Variants in DAB1 observed in about 807,000 individuals in gnomAD.
DAB1 encodes the protein disabled homolog 1.
A neutral mutation model predicts 64.6 loss-of-function variants in DAB1; 15 were observed. The ratio of observed to expected loss-of-function variants is 0.23; its 90% CI spans 0.16 to 0.36. DAB1 has a LOEUF of 0.36. DAB1 is among the 10% of genes least tolerant of loss of function. The pLI is 1.00. For missense variants in DAB1, 596 were observed against 706.7 expected (o/e 0.84, Z 1.78); for synonymous variants, 235 against 251.9 (o/e 0.93, Z 0.64).
At chr1:57,082,305 A>G (rs866346657) in intron 4 of DAB1, among the ~76,000 whole-genome samples, 4 of 152,156 alleles carry the variant, frequency 2.6e-5, no homozygotes, top group South Asian at 2.1e-4. Context: ...GAGCACTTCA[A>G]TGACTTAACT....
chr1:58,476,808 G>A (rs577859321), intron 3 of DAB1, among the ~76,000 whole-genome samples: 1 of 152,316 alleles, frequency 6.6e-6, no homozygotes, highest in Non-Finnish European at 1.5e-5. Context: ...ACAAGTGAAG[G>A]GTGAAGGGAA....
At chr1:57,975,759 A>G (rs1019424272) in intron 5 of DAB1, among the ~76,000 whole-genome samples, 5 of 152,234 alleles carry the variant, frequency 3.3e-5, no homozygotes, top group Non-Finnish European at 7.3e-5. Context: ...TATGATGCAC[A>G]GCAGGGTTGA....
intron 7 of DAB1, among the ~76,000 whole-genome samples, chr1:57,572,819 G>A (rs1645208451): frequency 6.6e-6 from 1 of 152,176 alleles, no homozygotes; most frequent in East Asian, 1.9e-4. Context: ...AATCTTGGCA[G>A]AAGGTGAAGG....
At chr1:57,249,805 C>G (rs1200480327) in intron 2 of DAB1, among the ~76,000 whole-genome samples, 1 of 152,236 alleles carries the variant, frequency 6.6e-6, no homozygotes, top group Non-Finnish European at 1.5e-5. Context: ...CTTTGTACAT[C>G]TGAAAACTAT....
At chr1:58,524,704 G>A (rs911696129) in intron 2 of DAB1, among the ~76,000 whole-genome samples, 1 of 152,128 alleles carries the variant, frequency 6.6e-6, no homozygotes, top group Admixed American at 6.5e-5. Context: ...TATATATCAA[G>A]CAACTCAACT....
chr1:57,347,038 T>C (rs1319919147), intron 1 of DAB1, among the ~76,000 whole-genome samples: 1 of 152,130 alleles, frequency 6.6e-6, no homozygotes, highest in Non-Finnish European at 1.5e-5. Flanking sequence ...TAGGTAGTCA[T>C]AAAAGCTATG....
rs141091944 is a variant in DAB1 at position 57,650,959 on chromosome 1, C to A, written n.552-1294G>T. On this transcript the variant is annotated intron_variant and non_coding_transcript_variant, in intron 6 of 20. Transcript: ENST00000485760. Reference sequence around the variant, plus strand: ...ATTGTCATTCCATCAATGTTTGCTGCCTAAGGGAGGAATGAGTGTGTGAAT... The same window carrying A: ...ATTGTCATTCCATCAATGTTTGCTGACTAAGGGAGGAATGAGTGTGTGAAT... Among the ~76,000 whole-genome samples the A allele has an allele frequency of 1.3e-4, 20 of 151,978 alleles. No homozygotes were observed. The East Asian group carries it at 2.5e-3, about 19-fold the overall frequency.
chr1:58,069,266 C>T (rs1456260225), intron 5 of DAB1, among the ~76,000 whole-genome samples: 1 of 152,182 alleles, frequency 6.6e-6, no homozygotes, highest in African/African-American at 2.4e-5. Context: ...GTTTTAGGTG[C>T]TCACCAAACT....
chr1:58,191,679 AC>A lies in DAB1; in HGVS notation n.310-41092del, dbSNP rs879352261. ...CCCTTTGAACCACCACTGGACTGAGACCTTAGTTCTGTGCATATAACAACTA... is the reference window on the plus strand; with the variant it reads ...CCCTTTGAACCACCACTGGACTGAGACTTAGTTCTGTGCATATAACAACTA... On this transcript the variant is annotated intron_variant and non_coding_transcript_variant, in intron 4 of 20. Coordinates refer to the DAB1 transcript ENST00000485760. Among the ~76,000 whole-genome samples the A allele has an allele frequency of 2.0e-5, 3 of 152,234 alleles. No individual in the cohort carries two copies. The East Asian group carries it at 5.8e-4, about 29-fold the overall frequency.
chr1:57,738,892 T>C (rs1020040377), intron 6 of DAB1, among the ~76,000 whole-genome samples: 14 of 152,194 alleles, frequency 9.2e-5, no homozygotes, highest in Admixed American at 2.0e-4. Context: ...AGATGCAAGA[T>C]TGCCACACTT....
intron 4 of DAB1, among the ~76,000 whole-genome samples, chr1:58,190,896 G>A (rs1657354522): frequency 6.6e-6 from 1 of 152,208 alleles, no homozygotes. Flanking sequence ...GTGGGACTGG[G>A]GAGGGAGGAA....
intron 5 of DAB1, among the ~76,000 whole-genome samples, chr1:57,905,980 T>C (rs1289299560): frequency 6.6e-6 from 1 of 152,196 alleles, no homozygotes; most frequent in African/African-American, 2.4e-5. Context: ...TCTTCCTTCT[T>C]CCTCAGTAAC....
Position 58,392,168 on chromosome 1 carries a change from A to T in DAB1, n.258-48765T>A, listed in dbSNP as rs190112213. Among the ~76,000 whole-genome samples the T allele has an allele frequency of 3.5e-3, 535 of 152,306 alleles. 4 individuals are homozygous for T. The highest frequency in any genetic ancestry group is 0.012 in the African/African-American group (507 of 41,568). ...AGGAAGGAAGAAGAGCTAAGCGCAG[A>T]GTTGAGGGGAAGAAAGATAAGCTCA... On this transcript the variant is annotated intron_variant and non_coding_transcript_variant, in intron 3 of 20. Coordinates refer to the DAB1 transcript ENST00000485760.
At chr1:58,182,638 C>CT (rs771943890) in intron 4 of DAB1, among the ~76,000 whole-genome samples, 47 of 151,478 alleles carry the variant, frequency 3.1e-4, no homozygotes, top group Non-Finnish European at 4.6e-4. Context: ...CCATTTGGTT[C>CT]TTTTTTTTGG....
intron 7 of DAB1, among the ~76,000 whole-genome samples, chr1:57,513,868 C>A (rs577028697): frequency 1.1e-4 from 16 of 152,106 alleles, no homozygotes; most frequent in Non-Finnish European, 2.2e-4. Context: ...GTCCTGCAAC[C>A]CCTGGTGACC....
intron 4 of DAB1, among the ~76,000 whole-genome samples, chr1:58,334,607 A>G (rs1198124194): frequency 3.6e-5 from 2 of 55,002 alleles, no homozygotes; most frequent in African/African-American, 2.2e-4. Context: ...ATATTACATT[A>G]TATTATATTA....
chr1:57,860,434 T>C (rs1653958163), intron 1 of DAB1: 1 of 152,210 alleles, frequency 6.6e-6, no homozygotes, highest in Non-Finnish European at 1.5e-5. Flanking sequence ...GGCTCCCTCA[T>C]GGCATGCTTT....
chr1:57,799,736 GT>G (rs1651039729), intron 6 of DAB1, among the ~76,000 whole-genome samples: 3 of 152,022 alleles, frequency 2.0e-5, no homozygotes, highest in Non-Finnish European at 4.4e-5. Flanking sequence ...TTTTTGAGTG[GT>G]TAAAAATAAT....
At chr1:57,860,932 T>G (rs755648407) in intron 1 of DAB1, 2 of 152,036 alleles carry the variant, frequency 1.3e-5, no homozygotes. Flanking sequence ...GGAGAGTGAG[T>G]TGGGTAGCTG....
Sources: gnomAD v4.1 joint callset for allele counts (sites outside exome capture counted in the v4.1 genomes callset) on GRCh38, gnomAD v4.1.1 for gene constraint, MANE v1.5 for transcripts, NCBI Gene and HGNC (gene_info 2026-07-23, HGNC 2026-07-21) for gene names.